ZNF609: variants seen among roughly 807,000 people sequenced by gnomAD.
ZNF609 encodes the protein zinc finger protein 609.
Under a neutral mutation model 109.5 loss-of-function variants are expected in ZNF609, and 11 were observed. The observed-to-expected ratio is 0.10, with a 90% CI of 0.06 to 0.17. The LOEUF (loss-of-function observed/expected upper bound fraction) is 0.17. Ranked by LOEUF, ZNF609 falls within the 10% of genes least tolerant of loss-of-function variation. The pLI is 1.00. For missense variants in ZNF609, 1,559 were observed against 1,772.4 expected (o/e 0.88, Z 2.16); for synonymous variants, 646 against 662.0 (o/e 0.98, Z 0.37).
At chr15:64,550,792 G>A (rs1224217626) in intron 2 of ZNF609, among the ~76,000 whole-genome samples, 3 of 148,646 alleles carry the variant, frequency 2.0e-5, no homozygotes, top group South Asian at 2.1e-4. Context: ...GCCGATGATC[G>A]TGCCACTGCA....
chr15:64,535,516 T>C (rs1432494718), intron 2 of ZNF609, among the ~76,000 whole-genome samples: 2 of 152,190 alleles, frequency 1.3e-5, no homozygotes, highest in African/African-American at 2.4e-5. Context: ...TGTTTTACCA[T>C]ATACGTGTTG....
In ZNF609 at chr15:64,623,173, C is replaced by T. The variant is rs1193383997; in HGVS notation, c.973+121C>T. On this transcript the variant is annotated intron_variant, in intron 3 of 9. Transcript: ENST00000326648. ...TAGAGTCTCAAGTGTCCACAGTCTG[C>T]GGGAGATACCCACACAGAGGATTTT... 19 of 984,490 alleles carry T rather than the reference C, an allele frequency of 1.9e-5. No homozygotes were observed. The Admixed American group carries it at 2.1e-4, about 11-fold the overall frequency. 61.0% of individuals were successfully genotyped at this position (984,490 alleles called of 1,614,324 possible).
intron 1 of ZNF609, among the ~76,000 whole-genome samples, chr15:64,471,532 G>C (rs986966889): frequency 1.3e-5 from 2 of 152,146 alleles, no homozygotes; most frequent in African/African-American, 2.4e-5. Flanking sequence ...TGTTCCACTT[G>C]AATGTGAGAT....
chr15:64,554,398 TGGGA>T (rs1273414604), intron 2 of ZNF609, among the ~76,000 whole-genome samples: 1 of 152,142 alleles, frequency 6.6e-6, no homozygotes, highest in Non-Finnish European at 1.5e-5. Flanking sequence ...TCCCAGTACT[TGGGA>T]GGCCAAGGCA....
At chr15:64,531,172 A>G (rs1461816773) in intron 2 of ZNF609, among the ~76,000 whole-genome samples, 1 of 152,144 alleles carries the variant, frequency 6.6e-6, no homozygotes, top group East Asian at 1.9e-4. Context: ...TTGTGATATT[A>G]TGGGCAAGAT....
intron 3 of ZNF609, among the ~76,000 whole-genome samples, chr15:64,629,404 A>T (rs1896027705): frequency 6.6e-6 from 1 of 152,210 alleles, no homozygotes; most frequent in Non-Finnish European, 1.5e-5. Flanking sequence ...TAATGATTTA[A>T]TATAAGAGAA....
intron 2 of ZNF609, among the ~76,000 whole-genome samples, chr15:64,580,506 C>T (rs1895080171): frequency 6.6e-6 from 1 of 151,790 alleles, no homozygotes; most frequent in Non-Finnish European, 1.5e-5. Flanking sequence ...TCTTGTAGGG[C>T]AGGTCTACTA....
At chr15:64,498,483 A>T (rs1389970129) in intron 1 of ZNF609, among the ~76,000 whole-genome samples, 6 of 152,194 alleles carry the variant, frequency 3.9e-5, no homozygotes, top group Non-Finnish European at 8.8e-5. Context: ...GTTATTCTAC[A>T]TCCTGGTGTT....
At chr15:64,490,316 C>G (rs1452396633) in intron 1 of ZNF609, among the ~76,000 whole-genome samples, 1 of 149,794 alleles carries the variant, frequency 6.7e-6, no homozygotes, top group Non-Finnish European at 1.5e-5. Context: ...TCCCGTTGCC[C>G]AGGCTGGAGT....
At chr15:64,625,387 G>C (rs1248494553) in intron 3 of ZNF609, among the ~76,000 whole-genome samples, 1 of 152,078 alleles carries the variant, frequency 6.6e-6, no homozygotes. Context: ...GGGTATGGTG[G>C]CGTGTACCTG....
intron 2 of ZNF609, among the ~76,000 whole-genome samples, chr15:64,535,564 G>GA (rs1418382021): frequency 1.3e-5 from 2 of 151,830 alleles, no homozygotes; most frequent in Non-Finnish European, 2.9e-5. Context: ...GGACTATTAT[G>GA]AAAAAAAATG....
At chr15:64,525,500 A>G (rs750646835) in intron 2 of ZNF609, among the ~76,000 whole-genome samples, 2 of 152,182 alleles carry the variant, frequency 1.3e-5, no homozygotes, top group Admixed American at 6.5e-5. Context: ...AGTGTTGAGA[A>G]TTGTGAGTCT....
At chr15:64,516,303 G>C (rs1343220869) in intron 2 of ZNF609, among the ~76,000 whole-genome samples, 1 of 152,184 alleles carries the variant, frequency 6.6e-6, no homozygotes, top group Middle Eastern at 3.4e-3. Context: ...AAATTTATTT[G>C]TATTTGTTTT....
At chr15:64,656,027 G>T (rs377555171) in intron 3 of ZNF609, among the ~76,000 whole-genome samples, 11 of 152,160 alleles carry the variant, frequency 7.2e-5, no homozygotes, top group African/African-American at 2.6e-4. Flanking sequence ...GATGAATTAA[G>T]CAACTCAGCA....
chr15:64,513,635 A>G (rs1893765103), intron 2 of ZNF609, among the ~76,000 whole-genome samples: 1 of 152,208 alleles, frequency 6.6e-6, no homozygotes, highest in African/African-American at 2.4e-5. Flanking sequence ...TAGCATTGAG[A>G]CAAGCCATTA....
At chr15:64,598,749 T>TGC (rs1895441476) in intron 2 of ZNF609, among the ~76,000 whole-genome samples, 1 of 73,324 alleles carries the variant, frequency 1.4e-5, no homozygotes. Context: ...TGTGTATATA[T>TGC]ATATATATAT....
At chr15:64,587,574 T>C (rs928966010) in intron 2 of ZNF609, among the ~76,000 whole-genome samples, 22 of 152,186 alleles carry the variant, frequency 1.4e-4, no homozygotes, top group African/African-American at 5.3e-4. Context: ...TAATTAGATT[T>C]TCAAAAGTGT....
intron 3 of ZNF609, among the ~76,000 whole-genome samples, chr15:64,650,685 A>G (rs1381687170): frequency 6.6e-6 from 1 of 152,072 alleles, no homozygotes; most frequent in African/African-American, 2.4e-5. Flanking sequence ...TGTCTTTAGC[A>G]TCTCAACCTC....
chr15:64,489,658 T>A (rs1038742271), intron 1 of ZNF609, among the ~76,000 whole-genome samples: 2 of 151,554 alleles, frequency 1.3e-5, no homozygotes, highest in African/African-American at 2.4e-5. Flanking sequence ...GCCTCCCAAG[T>A]AGCTGGGATT....
Sources: allele counts gnomAD v4.1 joint callset (sites outside exome capture counted in the v4.1 genomes callset), GRCh38; gene constraint gnomAD v4.1.1; transcripts MANE v1.5; gene names NCBI Gene and HGNC (gene_info 2026-07-23, HGNC 2026-07-21).